The following CCDC18 variants were observed in gnomAD, a reference collection of about 807,000 sequenced individuals.
CCDC18 encodes coiled-coil domain containing 18.
CCDC18 carries 157 observed loss-of-function variants against 196.0 expected under a neutral mutation model. The ratio of observed to expected loss-of-function variants is 0.80; its 90% CI spans 0.70 to 0.91. The LOEUF (loss-of-function observed/expected upper bound fraction) is 0.91. Among genes scored for constraint, CCDC18 ranks in the 40% least tolerant of loss-of-function variants. CCDC18 has a pLI of 0.00. For missense variants in CCDC18, 1,465 were observed against 1,611.6 expected, an observed-to-expected ratio of 0.91 and a Z score of 1.56; for synonymous variants, 482 against 529.2, an observed-to-expected ratio of 0.91 and a Z score of 1.22.
At chr1:93,262,004 A>T (rs1663860786) in intron 26 of CCDC18, among the ~76,000 whole-genome samples, 1 of 152,224 alleles carries the variant, frequency 6.6e-6, no homozygotes, top group Admixed American at 6.5e-5. Context: ...GGCATGTCTT[A>T]CATGGCAGCA....
rs183504357 is a variant in CCDC18, at chr1:93,185,681, T to C, written c.304-664T>C. 7.2e-5 allele frequency among the ~76,000 whole-genome samples: 11 copies of C among 152,086 alleles called. No homozygotes were observed. In the East Asian group the frequency reaches 1.9e-3, roughly 27 times the overall value. On this transcript the variant is annotated intron_variant, in intron 3 of 28. Transcript: ENST00000690025. ...TATTGCTTATGTATGCATGTGGAAT[T>C]ACCAGAAGACTAAACAAGAAACTTA...
intron 21 of CCDC18, among the ~76,000 whole-genome samples, chr1:93,245,862 T>A (rs565146030): frequency 2.6e-5 from 4 of 152,164 alleles, no homozygotes; most frequent in African/African-American, 9.6e-5. Context: ...TAGCTTAAAT[T>A]ATCTGTAATA....
At chr1:93,184,472 A>G (rs2101442486) in intron 3 of CCDC18, among the ~76,000 whole-genome samples, 1 of 152,014 alleles carries the variant, frequency 6.6e-6, no homozygotes, top group East Asian at 1.9e-4. Flanking sequence ...ATAATAGGTA[A>G]TCAATTGTTT....
intron 23 of CCDC18, among the ~76,000 whole-genome samples, chr1:93,251,008 T>C (rs907384208): frequency 7.9e-5 from 12 of 152,228 alleles, no homozygotes; most frequent in African/African-American, 2.4e-4. Context: ...TGTTTCTTAG[T>C]TGTTTTGTAA....
At chr1:93,232,358 T>G (rs1166524950) in intron 17 of CCDC18, 68 bp from the exon 18 acceptor site, 2 of 954,310 alleles carry the variant, frequency 2.1e-6, no homozygotes, top group Non-Finnish European at 3.2e-6. Flanking sequence ...GAGGACAGCT[T>G]TGACATTTTA....
In CCDC18 at chr1:93,217,757, G is replaced by T. The variant is rs1484304113; in HGVS notation, c.1850G>T (p.Arg617Met). 6.2e-7 allele frequency: 1 copy of T among 1,603,692 alleles called. No homozygotes were observed. The highest frequency in any genetic ancestry group is 8.5e-7 in the Non-Finnish European group (1 of 1,175,942). The change falls in exon 14 of 29, where the codon AGG becomes ATG. Residue 617 changes from arginine (R) to methionine (M), a missense_variant. Arg to Met is a moderately conservative substitution (Grantham distance 91, BLOSUM62 -1). Coordinates refer to ENST00000690025, the MANE Select transcript of CCDC18 (RefSeq NM_001378204.1). ...QELMEKNEKI[R>M]SLETNINTEH... ...TTCTAGGAAAAGAATGAAAAGATAA[G>T]GAGTCTAGAAACCAATATTAATACA...
chr1:93,185,089 G>T (rs1034166923), intron 3 of CCDC18, among the ~76,000 whole-genome samples: 16 of 151,776 alleles, frequency 1.1e-4, no homozygotes, highest in African/African-American at 3.9e-4. Flanking sequence ...AACGGAAAAA[G>T]AAATAAAAGT....
At chr1:93,221,392 T>C (rs1657410565) in intron 14 of CCDC18, among the ~76,000 whole-genome samples, 2 of 152,234 alleles carry the variant, frequency 1.3e-5, no homozygotes, top group Non-Finnish European at 2.9e-5. Context: ...GTTGAGCTTT[T>C]TTTTTGTATG....
chr1:93,226,271 T>C (rs1259342787), intron 16 of CCDC18, 62 bp from the exon 17 acceptor site: 2 of 741,468 alleles, frequency 2.7e-6, no homozygotes, highest in African/African-American at 1.8e-5. Context: ...GAGATAAATC[T>C]GTAAAATATT....
chr1:93,244,104 C>T lies in CCDC18; in HGVS notation c.2982-2001C>T, dbSNP rs538303524. ...AAAAGAAAGAGGTTTAATGGACTCA[C>T]AGTTCCACGTGGCTGGGGAGGCCTC... On this transcript the variant is annotated intron_variant, in intron 21 of 28. Transcript: ENST00000690025. Among the ~76,000 whole-genome samples the T allele has an allele frequency of 1.2e-4, 18 of 152,312 alleles. No individual in the cohort carries two copies. In the East Asian group the frequency reaches 3.5e-3, roughly 29 times the overall value.
chr1:93,251,230 ATACTT>A (rs754698278), intron 23 of CCDC18, among the ~76,000 whole-genome samples: 5 of 152,356 alleles, frequency 3.3e-5, no homozygotes, highest in East Asian at 1.9e-4. Context: ...AAAAACTTGT[ATACTT>A]TAATCTCCTT....
chr1:93,220,803 T>TCCTCCC (rs1445362485), intron 14 of CCDC18, among the ~76,000 whole-genome samples: 3 of 152,120 alleles, frequency 2.0e-5, no homozygotes, highest in Non-Finnish European at 4.4e-5. Context: ...CCTATAGGCC[T>TCCTCCC]CAGTATGTGT....
At chr1:93,257,672 T>C (rs982384738) in intron 25 of CCDC18, among the ~76,000 whole-genome samples, 2 of 152,126 alleles carry the variant, frequency 1.3e-5, no homozygotes, top group African/African-American at 4.8e-5. Flanking sequence ...ATTAGAGATA[T>C]ATTATACATT....
chr1:93,234,128 T>C (rs917623324), intron 18 of CCDC18, among the ~76,000 whole-genome samples: 2 of 151,114 alleles, frequency 1.3e-5, no homozygotes, highest in African/African-American at 2.4e-5. Context: ...TTTTTCTGTT[T>C]TGTTTTGTTT....
chr1:93,264,577 T>C (rs1046500543), intron 26 of CCDC18, 124 bp from the exon 27 acceptor site: 3 of 591,534 alleles, frequency 5.1e-6, no homozygotes, highest in Non-Finnish European at 9.0e-6. Flanking sequence ...TGTTTGTAAC[T>C]ATAAACAGAA....
At position 93,236,250 on chromosome 1, in the gene CCDC18, G is replaced by A; in HGVS notation, c.2463G>A (p.Val821=). The A allele has an allele frequency of 6.4e-7, 1 of 1,570,052 alleles. No individual in the cohort carries two copies. The highest frequency in any genetic ancestry group is 8.6e-7 in the Non-Finnish European group (1 of 1,167,080). Residue 821 remains valine (V), a splice_region_variant and synonymous_variant, in exon 19 of 29, where the codon GTG becomes GTA. Coordinates refer to ENST00000690025, the MANE Select transcript of CCDC18 (RefSeq NM_001378204.1). Reference sequence around the variant, plus strand: ...TTTACTGAAAACTGCTTTACAAGGTGTCAAAACTGGAACAAGAACTTCAAA... The same window carrying A: ...TTTACTGAAAACTGCTTTACAAGGTATCAAAACTGGAACAAGAACTTCAAA... ...EDTQTKLEKQ[V]SKLEQELQKQ... is the part of the protein sequence containing the mutation.
chr1:93,180,596 G>A (rs552622135), upstream of CCDC18: 12 of 1,373,048 alleles, frequency 8.7e-6, no homozygotes, highest in Middle Eastern at 4.1e-4. Flanking sequence ...GGCGGGCTCC[G>A]CTAGTGGGCT....
rs769537792 is a variant in CCDC18 at position 93,216,633 on chromosome 1, CA to C, written c.1720-2del. On this transcript the variant is annotated splice_acceptor_variant, in intron 12 of 28. Coordinates refer to ENST00000690025, the MANE Select transcript of CCDC18 (RefSeq NM_001378204.1). LOFTEE classifies it high-confidence loss of function. ...TTTTACATTTATTTCAATGTGTTTT[CA>C]GATGACAAAGAAATGTTCTCAACTT... 6.3e-6 allele frequency: 9 copies of C among 1,431,104 alleles called. No homozygotes were observed. In the Admixed American group the frequency reaches 1.9e-4, roughly 31 times the overall value. The allele number at this position is 1,431,104 out of a possible 1,614,324, so 88.7% of individuals were successfully genotyped here.
Position 93,232,296 on chromosome 1 carries a change from A to G in CCDC18, c.2293-130A>G, listed in dbSNP as rs368358379. On this transcript the variant is annotated intron_variant, in intron 17 of 28. Transcript: ENST00000690025. ...AATACTGTCCTTCCAATGACAAACT[A>G]TAGACATGAATGCAATTGTCCCACA... 6 of 582,714 alleles carry G rather than the reference A, an allele frequency of 1.0e-5. No homozygotes were observed. The South Asian group carries it at 1.5e-4, about 15-fold the overall frequency. 36.1% of individuals were successfully genotyped at this position (582,714 alleles called of 1,614,324 possible). A position where few individuals can be genotyped will look rare whatever the true frequency, so the allele number is the denominator to read the frequency against.
Sources: allele counts gnomAD v4.1 joint callset (sites outside exome capture counted in the v4.1 genomes callset), GRCh38; gene constraint gnomAD v4.1.1; transcripts MANE v1.5; gene names NCBI Gene and HGNC (gene_info 2026-07-23, HGNC 2026-07-21).